RIMS1: variants seen among roughly 807,000 people sequenced by gnomAD.
The protein encoded by RIMS1 is regulating synaptic membrane exocytosis protein 1.
A neutral mutation model predicts 214.1 loss-of-function variants in RIMS1; 83 were observed. The observed-to-expected ratio is 0.39, with a 90% confidence interval of 0.32 to 0.47. The LOEUF is 0.47. Among genes scored for constraint, RIMS1 ranks in the 20% least tolerant of loss-of-function variants. The pLI is 0.99. For missense variants in RIMS1, 2,050 were observed against 2,161.8 expected (o/e 0.95, Z 1.03); for synonymous variants, 793 against 786.8 (o/e 1.01, Z -0.13).
intron 2 of RIMS1, among the ~76,000 whole-genome samples, chr6:71,993,798 A>G (rs1466198857): frequency 6.6e-6 from 1 of 152,208 alleles, no homozygotes; most frequent in Admixed American, 6.6e-5. Flanking sequence ...GATTTCATAT[A>G]GTGGTAGGGG....
At chr6:71,891,227 C>G (rs1252097707) in intron 1 of RIMS1, among the ~76,000 whole-genome samples, 1 of 152,160 alleles carries the variant, frequency 6.6e-6, no homozygotes. Context: ...TTTTTAGGTT[C>G]TAGTTCTAGT....
At chr6:71,917,422 G>C (rs931991819) in intron 1 of RIMS1, among the ~76,000 whole-genome samples, 4 of 152,058 alleles carry the variant, frequency 2.6e-5, no homozygotes, top group African/African-American at 9.7e-5. Flanking sequence ...AGAATTCCAG[G>C]CATAGGGAAC....
intron 4 of RIMS1, among the ~76,000 whole-genome samples, chr6:72,128,862 G>C (rs1246521257): frequency 6.6e-6 from 1 of 152,116 alleles, no homozygotes; most frequent in East Asian, 1.9e-4. Flanking sequence ...TCCTTCTGTA[G>C]CTTTACTACC....
chr6:72,230,454 A>G (rs2061591909), intron 6 of RIMS1, among the ~76,000 whole-genome samples: 1 of 151,624 alleles, frequency 6.6e-6, no homozygotes, highest in Non-Finnish European at 1.5e-5. Flanking sequence ...TAGATATTTA[A>G]TATATGAAAT....
At chr6:72,046,760 T>C (rs78969540) in intron 2 of RIMS1, among the ~76,000 whole-genome samples, 1,748 of 152,256 alleles carry the variant, frequency 0.011, 9 homozygotes, top group Non-Finnish European at 0.017. Flanking sequence ...GCCTTAAATA[T>C]TTGTTTCAAG....
chr6:72,031,112 CA>C (rs1317045913), intron 2 of RIMS1, among the ~76,000 whole-genome samples: 1 of 152,104 alleles, frequency 6.6e-6, no homozygotes, highest in East Asian at 1.9e-4. Flanking sequence ...CTTTCTTTTG[CA>C]AACCTTTAGT....
intron 6 of RIMS1, among the ~76,000 whole-genome samples, chr6:72,200,675 A>T (rs1266774599): frequency 6.6e-6 from 1 of 152,182 alleles, no homozygotes; most frequent in Non-Finnish European, 1.5e-5. Context: ...AGGGAAGGAT[A>T]AACAATTCTC....
chr6:72,135,916 T>C (rs1463854160), intron 4 of RIMS1, among the ~76,000 whole-genome samples: 1 of 152,098 alleles, frequency 6.6e-6, no homozygotes, highest in African/African-American at 2.4e-5. Context: ...CCCTATTACC[T>C]GCACAATGGC....
intron 9 of RIMS1, among the ~76,000 whole-genome samples, chr6:72,239,010 A>G (rs2065514386): frequency 6.6e-6 from 1 of 152,110 alleles, no homozygotes; most frequent in Non-Finnish European, 1.5e-5. Context: ...ATATGTATAG[A>G]GATATGTTAC....
intron 22 of RIMS1, among the ~76,000 whole-genome samples, chr6:72,266,870 C>T (rs2080829090): frequency 6.6e-6 from 1 of 151,864 alleles, no homozygotes; most frequent in African/African-American, 2.4e-5. Context: ...TGCATACTAC[C>T]TCTTTACAAA....
chr6:72,103,386 G>T (rs886167001), intron 4 of RIMS1, among the ~76,000 whole-genome samples: 4 of 151,878 alleles, frequency 2.6e-5, no homozygotes, highest in African/African-American at 9.7e-5. Context: ...ATTGCATATT[G>T]CATATTATTG....
intron 1 of RIMS1, among the ~76,000 whole-genome samples, chr6:71,901,850 A>G (rs1300276773): frequency 6.6e-6 from 1 of 152,134 alleles, no homozygotes; most frequent in Admixed American, 6.6e-5. Flanking sequence ...GAGCTATTGT[A>G]TTCGGTAACA....
chr6:71,968,850 C>A, intron 1 of RIMS1, 133 bp from the exon 2 acceptor site: 1 of 825,544 alleles, frequency 1.2e-6, no homozygotes, highest in Non-Finnish European at 1.9e-6. Flanking sequence ...TTTGCTGGGG[C>A]CCCAAGGTTA....
chr6:72,059,840 G>A (rs59761547), intron 2 of RIMS1, among the ~76,000 whole-genome samples: 1 of 152,100 alleles, frequency 6.6e-6, no homozygotes, highest in East Asian at 1.9e-4. Context: ...ATCTGGATTT[G>A]CAGTTTTTCT....
At chr6:72,145,281 G>T (rs2042590239) in intron 4 of RIMS1, among the ~76,000 whole-genome samples, 2 of 152,042 alleles carry the variant, frequency 1.3e-5, no homozygotes, top group South Asian at 4.1e-4. Context: ...CTCTCTTCTT[G>T]ATGTCCCCAA....
At chr6:72,276,255 A>G (rs1324330837) in intron 23 of RIMS1, among the ~76,000 whole-genome samples, 1 of 152,242 alleles carries the variant, frequency 6.6e-6, no homozygotes. Context: ...AGATAATTCT[A>G]GAAAACCTTT....
intron 21 of RIMS1, 142 bp downstream of exon 21, chr6:72,265,645 G>T: frequency 1.8e-6 from 1 of 558,614 alleles, no homozygotes; most frequent in South Asian, 3.1e-5. Flanking sequence ...GAAATTTTAG[G>T]CATTTTGTTT....
At chr6:72,299,670 A>C (rs903305816) in intron 26 of RIMS1, among the ~76,000 whole-genome samples, 1 of 151,918 alleles carries the variant, frequency 6.6e-6, no homozygotes, top group East Asian at 1.9e-4. Flanking sequence ...ACTTTACTTT[A>C]GTGGAATTCA....
intron 6 of RIMS1, among the ~76,000 whole-genome samples, chr6:72,185,820 C>T (rs2049017752): frequency 6.6e-6 from 1 of 152,196 alleles, no homozygotes; most frequent in Non-Finnish European, 1.5e-5. Context: ...CTTCTGCTTC[C>T]TCTCCCATCT....
Sources: allele counts gnomAD v4.1 joint callset (sites outside exome capture counted in the v4.1 genomes callset), GRCh38; gene constraint gnomAD v4.1.1; transcripts MANE v1.5; gene names NCBI Gene and HGNC (gene_info 2026-07-23, HGNC 2026-07-21).